Variants in TFEC observed in about 807,000 individuals in gnomAD.
The protein encoded by TFEC is class E basic helix-loop-helix protein 34.
TFEC carries 31 observed loss-of-function variants against 41.6 expected under a neutral mutation model. That is an observed-to-expected ratio of 0.74 (90% CI 0.56 to 1.01). The LOEUF (loss-of-function observed/expected upper bound fraction) is 1.01. Among genes scored for constraint, TFEC ranks in the 50% least tolerant of loss-of-function variants. The pLI is 0.00. For synonymous variants in TFEC, 143 were observed against 140.6 expected, an observed-to-expected ratio of 1.02 and a Z score of -0.12; for missense variants, 402 against 404.1, an observed-to-expected ratio of 0.99 and a Z score of 0.04.
At chr7:116,041,294 GA>G (rs200802191) in intron 3 of TFEC, among the ~76,000 whole-genome samples, 15 of 149,092 alleles carry the variant, frequency 1.0e-4, no homozygotes, top group East Asian at 5.9e-4. Context: ...TAAAAAAAAA[GA>G]AAAAAAAAGT....
chr7:116,045,034 G>A (rs1243440725), intron 3 of TFEC, among the ~76,000 whole-genome samples: 2 of 152,216 alleles, frequency 1.3e-5, no homozygotes, highest in East Asian at 3.9e-4. Flanking sequence ...GTAGAGTGGG[G>A]CATTGCTGAA....
At chr7:115,980,697 C>A (rs1459361201) in intron 2 of TFEC, among the ~76,000 whole-genome samples, 3 of 152,018 alleles carry the variant, frequency 2.0e-5, no homozygotes, top group Middle Eastern at 3.4e-3. Context: ...TTACAGTGAG[C>A]CAAGATTGTG....
rs543202437 is a variant in TFEC, at chr7:116,075,239, C to T, written c.198+35469G>A. Among the ~76,000 whole-genome samples the T allele has an allele frequency of 2.6e-5, 4 of 152,198 alleles. 1 individual carries two copies. The South Asian group carries it at 8.3e-4, about 32-fold the overall frequency. On this transcript the variant is annotated intron_variant, in intron 3 of 8. Coordinates refer to the TFEC transcript ENST00000484212. Reference sequence around the variant, plus strand: ...TGAAGCTATTTTTTTAAAAGTCCATCTCAGATATAGGATTAAGATGGCGGA... The same window carrying T: ...TGAAGCTATTTTTTTAAAAGTCCATTTCAGATATAGGATTAAGATGGCGGA...
At chr7:116,049,254 C>T (rs982671822) in intron 3 of TFEC, among the ~76,000 whole-genome samples, 11 of 152,088 alleles carry the variant, frequency 7.2e-5, no homozygotes, top group Non-Finnish European at 1.3e-4. Flanking sequence ...TGCAGAGACA[C>T]ACATAGGCTC....
chr7:116,037,618 AT>A (rs1367159554), intron 3 of TFEC, among the ~76,000 whole-genome samples: 1 of 152,008 alleles, frequency 6.6e-6, no homozygotes, highest in Admixed American at 6.6e-5. Flanking sequence ...ATAATACCAG[AT>A]TTTGCCTGTA....
intron 3 of TFEC, among the ~76,000 whole-genome samples, chr7:116,091,191 C>G (rs1400567397): frequency 1.3e-5 from 2 of 152,172 alleles, no homozygotes; most frequent in Admixed American, 6.5e-5. Context: ...ACTTTTTCTT[C>G]TAATTCCTTA....
At chr7:116,059,500 C>T (rs1479545744) in intron 3 of TFEC, among the ~76,000 whole-genome samples, 1 of 151,868 alleles carries the variant, frequency 6.6e-6, no homozygotes, top group Non-Finnish European at 1.5e-5. Flanking sequence ...TCTATAAAGT[C>T]AGTATTGCCC....
chr7:116,082,894 A>T (rs562570750), intron 3 of TFEC, among the ~76,000 whole-genome samples: 23 of 151,882 alleles, frequency 1.5e-4, no homozygotes, highest in Non-Finnish European at 2.4e-4. Context: ...CACAAAACTA[A>T]ATCTCCAACT....
At chr7:116,149,083 T>G (rs1178017577) in intron 1 of TFEC, among the ~76,000 whole-genome samples, 3 of 151,904 alleles carry the variant, frequency 2.0e-5, no homozygotes, top group African/African-American at 7.3e-5. Context: ...CTTAATGAAC[T>G]GAGAAATAGA....
intron 3 of TFEC, among the ~76,000 whole-genome samples, chr7:116,078,073 A>G (rs971107688): frequency 9.9e-5 from 15 of 152,174 alleles, no homozygotes; most frequent in Middle Eastern, 3.4e-3. Flanking sequence ...ATTATATCAA[A>G]TACTCTCTCA....
At chr7:115,969,608 T>C (rs755006231) in intron 3 of TFEC, among the ~76,000 whole-genome samples, 1 of 151,970 alleles carries the variant, frequency 6.6e-6, no homozygotes, top group East Asian at 1.9e-4. Context: ...CTGACTATAA[T>C]AAAGTGTCTG....
chr7:115,988,050 T>C (rs10263686), intron 1 of TFEC, among the ~76,000 whole-genome samples: 19,442 of 152,172 alleles, frequency 0.13, 1,337 homozygotes, highest in Middle Eastern at 0.18. Context: ...TATCCTAACA[T>C]GCTGCTATTG....
chr7:115,966,994 C>A (rs945634390), intron 3 of TFEC, among the ~76,000 whole-genome samples: 4 of 151,398 alleles, frequency 2.6e-5, no homozygotes, highest in Non-Finnish European at 5.9e-5. Context: ...ATTCACTCAG[C>A]AAGAGAAAAG....
At chr7:116,120,237 T>G (rs1016629129) in intron 1 of TFEC, 4 of 151,926 alleles carry the variant, frequency 2.6e-5, no homozygotes, top group African/African-American at 9.7e-5. Flanking sequence ...CTATTCCATA[T>G]AACTTTTTCT....
At chr7:115,957,553 T>C (rs1792300708) in intron 3 of TFEC, among the ~76,000 whole-genome samples, 1 of 151,892 alleles carries the variant, frequency 6.6e-6, no homozygotes, top group Admixed American at 6.6e-5. Flanking sequence ...TTGATTTGAT[T>C]TCCCAAGAAA....
chr7:115,973,172 T>C (rs1316714141), intron 3 of TFEC, among the ~76,000 whole-genome samples: 1 of 152,004 alleles, frequency 6.6e-6, no homozygotes, highest in Non-Finnish European at 1.5e-5. Flanking sequence ...TACTGGTGAC[T>C]TGACTAGCAC....
chr7:116,157,298 T>C (rs1417043114), intron 1 of TFEC: 1 of 152,136 alleles, frequency 6.6e-6, no homozygotes, highest in Non-Finnish European at 1.5e-5. Flanking sequence ...TTCCTTTGAC[T>C]CACTTTTCCC....
intron 3 of TFEC, among the ~76,000 whole-genome samples, chr7:116,059,575 G>A (rs1000931686): frequency 4.0e-5 from 6 of 151,830 alleles, no homozygotes; most frequent in Middle Eastern, 3.2e-3. Context: ...GAGCATAAAT[G>A]GAATAATTTT....
rs184185141 is a variant in TFEC, at chr7:115,984,522, T to A, written c.-72-9A>T. The A allele has an allele frequency of 2.0e-4, 317 of 1,612,840 alleles. 2 individuals are homozygous for A. The East Asian group carries it at 5.9e-3, about 30-fold the overall frequency. On this transcript the variant is annotated splice_polypyrimidine_tract_variant and intron_variant, in intron 1 of 7. Transcript: ENST00000265440. The stretch of plus-strand genomic sequence containing the variant: ...TCCAGGTGTGCTGGGACCTACAAGA[T>A]CAAAATTAAACAAATACAATGTGCA...
Sources: allele counts gnomAD v4.1 joint callset (sites outside exome capture counted in the v4.1 genomes callset), GRCh38; gene constraint gnomAD v4.1.1; transcripts MANE v1.5; gene names NCBI Gene and HGNC (gene_info 2026-07-23, HGNC 2026-07-21).